The following MTA3 variants were observed in gnomAD, a reference collection of about 807,000 sequenced individuals.
The protein encoded by MTA3 is metastasis-associated protein MTA3.
In MTA3, 34 loss-of-function variants were observed where a neutral mutation model predicts 83.5. The observed-to-expected ratio is 0.41, with a 90% CI of 0.31 to 0.54. MTA3 has a LOEUF of 0.54. Ranked by LOEUF, MTA3 falls within the 20% of genes least tolerant of loss-of-function variation. The pLI is 0.33. For synonymous variants in MTA3, 303 were observed against 252.7 expected, an observed-to-expected ratio of 1.20 and a Z score of -1.89; for missense variants, 761 against 726.4, an observed-to-expected ratio of 1.05 and a Z score of -0.55.
At chr2:42,595,585 G>T (rs1023825133) in intron 3 of MTA3, among the ~76,000 whole-genome samples, 8 of 152,080 alleles carry the variant, frequency 5.3e-5, no homozygotes, top group African/African-American at 1.9e-4. Flanking sequence ...GTAAACTGAC[G>T]TGTTTAACCT....
intron 4 of MTA3, among the ~76,000 whole-genome samples, chr2:42,631,064 C>T (rs987349438): frequency 3.9e-5 from 6 of 152,164 alleles, no homozygotes; most frequent in African/African-American, 1.2e-4. Context: ...AATTGGTTTT[C>T]TTCCTGCTCA....
At chr2:42,720,888 G>C (rs1667354365) in intron 15 of MTA3, among the ~76,000 whole-genome samples, 1 of 142,652 alleles carries the variant, frequency 7.0e-6, no homozygotes, top group Admixed American at 7.5e-5. Context: ...GGAGGCAGAG[G>C]TTGCAGTGAG....
chr2:42,523,411 C>T (rs937763310), intron 2 of MTA3, among the ~76,000 whole-genome samples: 7 of 152,126 alleles, frequency 4.6e-5, no homozygotes, highest in Admixed American at 4.6e-4. Context: ...GTCAGGGTCT[C>T]TTCCCTGCTG....
At chr2:42,602,712 C>A (rs1682730415) in intron 3 of MTA3, among the ~76,000 whole-genome samples, 1 of 152,112 alleles carries the variant, frequency 6.6e-6, no homozygotes. Flanking sequence ...GGGAGACACT[C>A]CCTAATGAGG....
chr2:42,539,275 T>C (rs1368272869), intron 2 of MTA3, among the ~76,000 whole-genome samples: 1 of 152,104 alleles, frequency 6.6e-6, no homozygotes, highest in African/African-American at 2.4e-5. Context: ...TTAATTGACT[T>C]ACAGTTCCGC....
At chr2:42,669,194 C>T (rs1404740337) in intron 8 of MTA3, among the ~76,000 whole-genome samples, 1 of 151,098 alleles carries the variant, frequency 6.6e-6, no homozygotes, top group African/African-American at 2.4e-5. Context: ...AAGCGATTCT[C>T]CTGCCTCAGC....
At chr2:42,594,947 G>T (rs1681598368) in intron 3 of MTA3, among the ~76,000 whole-genome samples, 1 of 146,594 alleles carries the variant, frequency 6.8e-6, no homozygotes, top group African/African-American at 2.5e-5. Context: ...TAGAGATGGG[G>T]TTTCACCGTG....
chr2:42,708,282 G>T (rs1366020804), intron 13 of MTA3, among the ~76,000 whole-genome samples: 3 of 152,216 alleles, frequency 2.0e-5, no homozygotes, highest in African/African-American at 7.2e-5. Flanking sequence ...GAGTGTGGGA[G>T]ATGTTAGCAT....
intron 2 of MTA3, among the ~76,000 whole-genome samples, chr2:42,497,344 T>G (rs984399356): frequency 5.3e-5 from 8 of 151,936 alleles, no homozygotes; most frequent in African/African-American, 1.9e-4. Context: ...CCCAGCACTT[T>G]GGGAGGCCGA....
intron 3 of MTA3, among the ~76,000 whole-genome samples, chr2:42,592,766 A>T (rs965676440): frequency 6.6e-6 from 1 of 152,132 alleles, no homozygotes; most frequent in Non-Finnish European, 1.5e-5. Context: ...TTTGATAACA[A>T]TTCCTTCTTT....
intron 9 of MTA3, among the ~76,000 whole-genome samples, chr2:42,693,571 C>T (rs1173996124): frequency 2.0e-5 from 3 of 152,136 alleles, no homozygotes; most frequent in African/African-American, 7.2e-5. Flanking sequence ...CTCCAATGTA[C>T]ACTTAAAGCC....
intron 9 of MTA3, among the ~76,000 whole-genome samples, chr2:42,686,515 G>C (rs559178874): frequency 6.8e-4 from 52 of 76,866 alleles, no homozygotes; most frequent in Non-Finnish European, 4.6e-4. Flanking sequence ...AGTAGACTCT[G>C]CCTCTTAAAA....
intron 16 of MTA3, among the ~76,000 whole-genome samples, chr2:42,747,564 C>T (rs1669534614): frequency 1.3e-5 from 2 of 151,492 alleles, no homozygotes; most frequent in South Asian, 4.2e-4. Context: ...GCTCTTGAAG[C>T]TTTAAGGTGC....
At chr2:42,578,996 C>A in intron 2 of MTA3, 111 bp from the exon 3 acceptor site, 1 of 643,990 alleles carries the variant, frequency 1.6e-6, no homozygotes, top group Non-Finnish European at 2.6e-6. Flanking sequence ...TTGTGGTTGG[C>A]ACCAGTGTTA....
chr2:42,511,814 T>G (rs973222558), intron 2 of MTA3: 3 of 152,314 alleles, frequency 2.0e-5, no homozygotes, highest in Non-Finnish European at 4.4e-5. Context: ...GTCAGGAGAT[T>G]GAGACCATCC....
At chr2:42,523,376 G>C (rs1675516598) in intron 2 of MTA3, among the ~76,000 whole-genome samples, 1 of 152,114 alleles carries the variant, frequency 6.6e-6, no homozygotes, top group South Asian at 2.1e-4. Flanking sequence ...GTGAGACCAG[G>C]CCCTTAATTG....
chr2:42,738,460 A>G (rs577781168), intron 16 of MTA3, among the ~76,000 whole-genome samples: 3 of 152,300 alleles, frequency 2.0e-5, no homozygotes, highest in Non-Finnish European at 2.9e-5. Context: ...GTGATTTCCT[A>G]TGCCCGTCTT....
chr2:42,619,409 G>A (rs1172251612), intron 4 of MTA3, among the ~76,000 whole-genome samples: 1 of 152,190 alleles, frequency 6.6e-6, no homozygotes, highest in East Asian at 1.9e-4. Flanking sequence ...TGTATGTGGT[G>A]TGAGGCCAGG....
At chr2:42,650,018 A>G (rs1427163452) in intron 6 of MTA3, among the ~76,000 whole-genome samples, 1 of 152,164 alleles carries the variant, frequency 6.6e-6, no homozygotes, top group Non-Finnish European at 1.5e-5. Flanking sequence ...TGAGAGTTTT[A>G]TCCTATTTTT....
Sources: allele counts gnomAD v4.1 joint callset (sites outside exome capture counted in the v4.1 genomes callset), GRCh38; gene constraint gnomAD v4.1.1; transcripts MANE v1.5; gene names NCBI Gene and HGNC (gene_info 2026-07-23, HGNC 2026-07-21).